EFNA5: variants seen among roughly 807,000 people sequenced by gnomAD.
EFNA5 encodes ephrin A5, also known as ephrin-A5.
EFNA5 carries 5 observed loss-of-function variants against 22.9 expected under a neutral mutation model. The ratio of observed to expected loss-of-function variants is 0.22; its 90% confidence interval spans 0.11 to 0.46. EFNA5 has a LOEUF of 0.46. EFNA5 is among the 20% of genes least tolerant of loss of function. The pLI is 0.99. For missense variants in EFNA5, 237 were observed against 293.3 expected, an observed-to-expected ratio of 0.81 and a Z score of 1.40; for synonymous variants, 113 against 112.2, an observed-to-expected ratio of 1.01 and a Z score of -0.04.
chr5:107,576,209 CATT>C (rs1404530695), intron 1 of EFNA5, among the ~76,000 whole-genome samples: 3 of 152,180 alleles, frequency 2.0e-5, no homozygotes, highest in South Asian at 2.1e-4. Flanking sequence ...TTTCCATCAT[CATT>C]ATCATACTCT....
At position 107,591,950 on chromosome 5, in the gene EFNA5, TAA is replaced by T. The variant is rs1561443035; in HGVS notation, c.125+78537_125+78538del. Among the ~76,000 whole-genome samples, 10 of 17,316 alleles carry T rather than the reference TAA, an allele frequency of 5.8e-4. 1 individual carries two copies. Among genetic ancestry groups the T allele is most frequent in the African/African-American group, 4.2e-3 (10 of 2,404 alleles). 11.4% of individuals were successfully genotyped at this position (17,316 alleles called of 152,430 possible). On this transcript the variant is annotated intron_variant, in intron 1 of 4. Coordinates refer to ENST00000333274, the MANE Select transcript of EFNA5 (RefSeq NM_001962.3). ...TAATATATAATATATATATTATATATAATATATAATATATATAATATATATAA... is the reference window on the plus strand; with the variant it reads ...TAATATATAATATATATATTATATATTATATAATATATATAATATATATAA...
Position 107,376,989 on chromosome 5 carries a change from T to G in EFNA5, c.*4266A>C, listed in dbSNP as rs1207015227. 11 of 128,676 alleles carry G rather than the reference T, an allele frequency of 8.5e-5. No homozygotes were observed. The highest frequency in any genetic ancestry group is 2.0e-4 in the East Asian group (1 of 5,050). The allele number at this position is 128,676 out of a possible 1,614,324, so 8.0% of individuals were successfully genotyped here. ...TCGTATGGGTTTGTTTGTGTGTGGG[T>G]TTTTTTTTTTTACATTTTCTTTTAC... On this transcript the variant is annotated 3_prime_UTR_variant, in exon 5 of 5. Transcript: ENST00000333274.
At chr5:107,498,984 G>GTATGTATA (rs1747063395) in intron 1 of EFNA5, among the ~76,000 whole-genome samples, 1 of 152,020 alleles carries the variant, frequency 6.6e-6, no homozygotes, top group African/African-American at 2.4e-5. Flanking sequence ...ATGTATGTAT[G>GTATGTATA]TATGTATGTG....
intron 1 of EFNA5, among the ~76,000 whole-genome samples, chr5:107,452,576 ATTAGCCGGGGGTGGTG>A (rs1347513126): frequency 1.9e-4 from 29 of 152,058 alleles, no homozygotes; most frequent in Non-Finnish European, 2.5e-4. Flanking sequence ...AAGTTAAAAA[ATTAGCCGGGGGTGGTG>A]GTATGTATCT....
At chr5:107,542,097 T>C (rs1222883692) in intron 1 of EFNA5, among the ~76,000 whole-genome samples, 1 of 152,200 alleles carries the variant, frequency 6.6e-6, no homozygotes, top group Non-Finnish European at 1.5e-5. Context: ...TATTTAACTC[T>C]TCTATTTCCC....
At chr5:107,459,944 T>C (rs1561395718) in intron 1 of EFNA5, among the ~76,000 whole-genome samples, 1 of 152,106 alleles carries the variant, frequency 6.6e-6, no homozygotes, top group African/African-American at 2.4e-5. Context: ...CACCACTTCA[T>C]CTCTCTTCCA....
intron 1 of EFNA5, among the ~76,000 whole-genome samples, chr5:107,569,447 ATGTG>A (rs779864596): frequency 7.0e-6 from 1 of 142,016 alleles, no homozygotes; most frequent in Non-Finnish European, 1.5e-5. Flanking sequence ...ATATTTATAT[ATGTG>A]TGTGTATATA....
chr5:107,646,245 T>C (rs941258304), intron 1 of EFNA5, among the ~76,000 whole-genome samples: 1 of 152,138 alleles, frequency 6.6e-6, no homozygotes, highest in African/African-American at 2.4e-5. Context: ...CTAAAAGGGA[T>C]AGATTGGATA....
chr5:107,485,271 C>T (rs1746575517), intron 1 of EFNA5, among the ~76,000 whole-genome samples: 1 of 152,078 alleles, frequency 6.6e-6, no homozygotes, highest in Admixed American at 6.6e-5. Flanking sequence ...AAAGAAAGTT[C>T]CCTCTTAGCT....
chr5:107,670,047 A>C (rs960067817), intron 1 of EFNA5, among the ~76,000 whole-genome samples: 3 of 150,896 alleles, frequency 2.0e-5, no homozygotes, highest in African/African-American at 4.8e-5. Flanking sequence ...AAAAAAAAAA[A>C]AAAAAAAACT....
chr5:107,407,760 A>G (rs10075454), intron 2 of EFNA5, among the ~76,000 whole-genome samples: 10,896 of 152,304 alleles, frequency 0.072, 885 homozygotes, highest in African/African-American at 0.2. Flanking sequence ...ATCAATGTGT[A>G]TAATACATTT....
chr5:107,663,218 A>AG (rs529711695), intron 1 of EFNA5, among the ~76,000 whole-genome samples: 2 of 132,496 alleles, frequency 1.5e-5, no homozygotes, highest in South Asian at 2.4e-4. Context: ...GGCTGCTTCT[A>AG]GGGGGGAAAA....
chr5:107,630,156 C>T (rs544542864), intron 1 of EFNA5, among the ~76,000 whole-genome samples: 1 of 152,114 alleles, frequency 6.6e-6, no homozygotes, highest in East Asian at 1.9e-4. Context: ...TGACCCAAGA[C>T]AATTCTTCCA....
intron 1 of EFNA5, among the ~76,000 whole-genome samples, chr5:107,507,594 T>C (rs996117527): frequency 1.3e-5 from 2 of 152,012 alleles, no homozygotes; most frequent in Admixed American, 1.3e-4. Context: ...CCCAGCACTT[T>C]TGGAGGCCAA....
At chr5:107,432,059 T>C (rs1413956907) in intron 1 of EFNA5, among the ~76,000 whole-genome samples, 3 of 152,160 alleles carry the variant, frequency 2.0e-5, no homozygotes, top group African/African-American at 7.2e-5. Context: ...ACCTTTATAT[T>C]TACACTGGTC....
At chr5:107,432,404 T>A (rs1191343385) in intron 1 of EFNA5, among the ~76,000 whole-genome samples, 1 of 152,216 alleles carries the variant, frequency 6.6e-6, no homozygotes, top group Non-Finnish European at 1.5e-5. Context: ...TATTTGTAAA[T>A]TTCTTGGAAA....
chr5:107,460,254 G>A lies in EFNA5; in HGVS notation c.126-32745C>T, dbSNP rs74697709. ...GATGCCATCCTCATATTGATGAGAC[G>A]AGAATTTTTTTTTAAGACACTAAAA... On this transcript the variant is annotated intron_variant, in intron 1 of 4. Transcript: ENST00000333274. Among the ~76,000 whole-genome samples the A allele has an allele frequency of 6.8e-3, 1,027 of 152,030 alleles. 8 individuals are homozygous for A. Among genetic ancestry groups the A allele is most frequent in the African/African-American group, 0.022 (929 of 41,448 alleles).
intron 2 of EFNA5, among the ~76,000 whole-genome samples, chr5:107,388,201 A>G (rs547871840): frequency 1.3e-4 from 20 of 152,308 alleles, no homozygotes; most frequent in African/African-American, 2.6e-4. Flanking sequence ...GCAAAAACCA[A>G]TAACAGAGAG....
chr5:107,592,729 G>A lies in EFNA5; in HGVS notation c.125+77760C>T, dbSNP rs952250402. On this transcript the variant is annotated intron_variant, in intron 1 of 4. Transcript: ENST00000333274. Reference sequence around the variant, plus strand: ...AGGACCTTTTCAATGTGAGCGAATCGGCATCTGTGAGCAGTGCTTGCAGTG... The same window carrying A: ...AGGACCTTTTCAATGTGAGCGAATCAGCATCTGTGAGCAGTGCTTGCAGTG... Among the ~76,000 whole-genome samples, 4 of 152,094 alleles carry A rather than the reference G, an allele frequency of 2.6e-5. 1 individual carries two copies. Among genetic ancestry groups the A allele is most frequent in the South Asian group, 4.2e-4 (2 of 4,814 alleles).
Sources: allele counts gnomAD v4.1 joint callset (sites outside exome capture counted in the v4.1 genomes callset), GRCh38; gene constraint gnomAD v4.1.1; transcripts MANE v1.5; gene names NCBI Gene and HGNC (gene_info 2026-07-23, HGNC 2026-07-21).